Variants in DCLK3 observed in about 807,000 individuals in gnomAD.
DCLK3 encodes serine/threonine-protein kinase DCLK3.
DCLK3 carries 30 observed loss-of-function variants against 46.4 expected under a neutral mutation model. The observed-to-expected ratio is 0.65, with a 90% CI of 0.48 to 0.88. The LOEUF (loss-of-function observed/expected upper bound fraction) is 0.88, where lower values mean the gene tolerates loss of function less well. Ranked by LOEUF, DCLK3 falls within the 40% of genes least tolerant of loss-of-function variation. DCLK3 has a pLI of 0.00. For missense variants in DCLK3, 846 were observed against 907.1 expected, an observed-to-expected ratio of 0.93 and a Z score of 0.87; for synonymous variants, 401 against 339.2, an observed-to-expected ratio of 1.18 and a Z score of -2.00.
intron 1 of DCLK3, among the ~76,000 whole-genome samples, chr3:36,762,342 A>T (rs556597595): frequency 6.6e-6 from 1 of 152,328 alleles, no homozygotes; most frequent in South Asian, 2.1e-4. Context: ...ATTCCTTAGA[A>T]TCAGATCCTG....
At chr3:36,749,626 C>T (rs1701422069) in intron 1 of DCLK3, among the ~76,000 whole-genome samples, 1 of 152,216 alleles carries the variant, frequency 6.6e-6, no homozygotes, top group East Asian at 1.9e-4. Context: ...TCTGAAGACT[C>T]TCACACCTCG....
At chr3:36,730,722 A>G (rs1701189159) in intron 2 of DCLK3, among the ~76,000 whole-genome samples, 1 of 152,080 alleles carries the variant, frequency 6.6e-6, no homozygotes, top group Non-Finnish European at 1.5e-5. Flanking sequence ...GGAAATCTGT[A>G]TCTCCATCAT....
chr3:36,741,299 C>T (rs1304686157), intron 1 of DCLK3, among the ~76,000 whole-genome samples: 7 of 152,182 alleles, frequency 4.6e-5, no homozygotes, highest in African/African-American at 1.4e-4. Context: ...GTGCTTCACA[C>T]ACAGTAGGAT....
At position 36,715,335 on chromosome 3, in the gene DCLK3, AC is replaced by A. The variant is rs1239776387; in HGVS notation, c.2446del (p.Val816TyrfsTer25). 1 of 1,614,120 alleles carries A rather than the reference AC, an allele frequency of 6.2e-7. No homozygotes were observed. The highest frequency in any genetic ancestry group is 1.7e-5 in the Admixed American group (1 of 60,014). ...AGATTCCCAAGGTGGTGACTATGATACCTGCTCCACAACCCTCTTGTGCTGG... is the reference window on the plus strand; with the variant it reads ...AGATTCCCAAGGTGGTGACTATGATACTGCTCCACAACCCTCTTGTGCTGG... The part of the protein sequence containing the change: ...RSQHKRVVEQ[V>X]S On this transcript the variant is annotated frameshift_variant, in exon 5 of 5. Transcript: ENST00000636136. LOFTEE classifies it high-confidence loss of function.
At chr3:36,754,624 G>A (rs1701470498) in intron 1 of DCLK3, among the ~76,000 whole-genome samples, 1 of 152,204 alleles carries the variant, frequency 6.6e-6, no homozygotes, top group African/African-American at 2.4e-5. Context: ...TTTTAAATGT[G>A]TGAGAGATTA....
chr3:36,727,176 C>T (rs1228565227), intron 2 of DCLK3, among the ~76,000 whole-genome samples: 1 of 152,132 alleles, frequency 6.6e-6, no homozygotes, highest in Non-Finnish European at 1.5e-5. Context: ...GTAATCCCAG[C>T]TACTCAGGAG....
chr3:36,749,854 T>C (rs993653292), intron 1 of DCLK3, among the ~76,000 whole-genome samples: 1 of 152,210 alleles, frequency 6.6e-6, no homozygotes, highest in Non-Finnish European at 1.5e-5. Context: ...TTAAAATATA[T>C]AGCCTTCATT....
At chr3:36,756,406 GC>G (rs1701484717) in intron 1 of DCLK3, among the ~76,000 whole-genome samples, 1 of 152,218 alleles carries the variant, frequency 6.6e-6, no homozygotes, top group Non-Finnish European at 1.5e-5. Context: ...CAACAGTGTT[GC>G]AGTGGCTTGC....
chr3:36,735,302 A>G (rs528183510), intron 2 of DCLK3, among the ~76,000 whole-genome samples: 21 of 152,374 alleles, frequency 1.4e-4, no homozygotes, highest in Admixed American at 3.9e-4. Flanking sequence ...AGAATCAAAA[A>G]GCGAGTAGAG....
At position 36,721,679 on chromosome 3, in the gene DCLK3, C is replaced by G; in HGVS notation, c.1960-20G>C. 6.2e-7 allele frequency: 1 copy of G among 1,613,864 alleles called. No homozygotes were observed. The highest frequency in any genetic ancestry group is 8.5e-7 in the Non-Finnish European group (1 of 1,179,920). ...CTGAACCTGTAAGAAACCAAAATCC[C>G]CAAACCACCAAAATTGTGATTAGAA... On this transcript the variant is annotated intron_variant, in intron 2 of 4. Coordinates refer to ENST00000636136, the MANE Select transcript of DCLK3 (RefSeq NM_001394672.2).
rs201728869 is a variant in DCLK3 at position 36,715,404 on chromosome 3, C to T, written c.2378G>A (p.Arg793Gln). 1.1e-4 allele frequency: 183 copies of T among 1,613,982 alleles called. 4 individuals carry two copies. In the South Asian group the frequency reaches 1.9e-3, roughly 17 times the overall value. ...ETAGKTNTVK[R>Q]QKQVSPSSEG... ...GCTGCTGGGGGACACCTGCTTCTGT[C>T]GTTTCACTGTATTGGTCTTGCCAGC... Residue 793 changes from arginine to glutamine, a missense_variant, in exon 5 of 5, where the codon CGA (arginine) becomes CAA (glutamine). Physicochemically the swap from Arg to Gln is conservative, Grantham distance 43. Transcript: ENST00000636136.
rs1389909658 is a variant in DCLK3 at position 36,737,311 on chromosome 3, G to A, written c.1856C>T (p.Pro619Leu). 1.2e-5 allele frequency: 20 copies of A among 1,613,980 alleles called. No individual in the cohort carries two copies. The highest frequency in any genetic ancestry group is 1.6e-4 in the Middle Eastern group (1 of 6,084). ...GATCATGAGGGCAGCATCGGGCTCC[G>A]GGAACTTCACACTTTCTATGATGGC... ...FDAIIESVKFPEPDAALMIMD... is the reference protein window; with the variant it reads ...FDAIIESVKFLEPDAALMIMD... Residue 619 changes from proline to leucine, a missense_variant, in exon 2 of 5, where the codon CCG becomes CTG. By Grantham distance (98) the Pro-to-Leu change is moderately conservative. This residue lies in a region of DCLK3 where 247 missense variants were observed against 322.8 expected (regional missense o/e 0.77). Coordinates refer to ENST00000636136, the MANE Select transcript of DCLK3 (RefSeq NM_001394672.2). This position sits in a 1 kb window ranked among gnomAD's most constrained non-coding sequence, Gnocchi z 4.4.
At chr3:36,731,349 C>T (rs948456974) in intron 2 of DCLK3, among the ~76,000 whole-genome samples, 3 of 152,052 alleles carry the variant, frequency 2.0e-5, no homozygotes, top group Non-Finnish European at 2.9e-5. Flanking sequence ...TCCATCATCA[C>T]ATAAAGATGC....
chr3:36,737,817 C>G lies in DCLK3; in HGVS notation c.1350G>C (p.Gln450His). ...TCCTGCGGAGCTTCTCAAAGCCCGC[C>G]TGGTGCTCTCTCAGGAGCCAGCCAC... ...KHGGWLLREHQAGFEKLRRTR... is the reference protein window; with the variant it reads ...KHGGWLLREHHAGFEKLRRTR... Residue 450 changes from glutamine (Q) to histidine (H), a missense_variant, in exon 2 of 5, where the codon CAG (glutamine) becomes CAC (histidine). Gln to His is a conservative substitution (Grantham distance 24). This residue lies in a region of DCLK3 where 553 missense variants were observed against 543.0 expected (regional missense o/e 1.02). Transcript: ENST00000636136. The surrounding 1 kb of genome is among the most constrained non-coding windows in gnomAD (Gnocchi z 4.4). The G allele has an allele frequency of 6.2e-7, 1 of 1,614,096 alleles. No individual in the cohort carries two copies. The highest frequency in any genetic ancestry group is 8.5e-7 in the Non-Finnish European group (1 of 1,180,036).
intron 2 of DCLK3, among the ~76,000 whole-genome samples, chr3:36,732,463 T>G (rs1701210141): frequency 6.6e-6 from 1 of 152,190 alleles, no homozygotes. Context: ...AATGTAAACC[T>G]ACAGTCATAA....
chr3:36,738,833 G>C lies in DCLK3; in HGVS notation c.334C>G (p.Leu112Val). Residue 112 changes from leucine (L) to valine (V), a missense_variant, in exon 2 of 5, where the codon CTG becomes GTG. By Grantham distance (32) the Leu-to-Val change is conservative. Coordinates refer to ENST00000636136, the MANE Select transcript of DCLK3 (RefSeq NM_001394672.2). Reference protein sequence around the residue: ...LGGQRPRKITLLLNRRSVQTF... With the variant: ...LGGQRPRKITVLLNRRSVQTF... ...TGCACTGATCGCCTGTTGAGGAGCA[G>C]AGTGATCTTTCGGGGGCGCTGCCCA... 1.2e-6 allele frequency: 1 copy of C among 818,322 alleles called. No homozygotes were observed. The highest frequency in any genetic ancestry group is 3.6e-5 in the Admixed American group (1 of 27,632). The allele number at this position is 818,322 out of a possible 1,614,324, so 50.7% of individuals were successfully genotyped here.
intron 3 of DCLK3, 69 bp downstream of exon 3, chr3:36,721,458 T>G: frequency 6.4e-7 from 1 of 1,568,136 alleles, no homozygotes; most frequent in Non-Finnish European, 8.7e-7. Context: ...TGAAAACTAG[T>G]AAATATGACA....
chr3:36,756,884 C>T (rs1701490064), intron 1 of DCLK3, among the ~76,000 whole-genome samples: 1 of 151,506 alleles, frequency 6.6e-6, no homozygotes, highest in Admixed American at 6.6e-5. Context: ...ACCTTTATCA[C>T]AAGTTCCAGA....
At chr3:36,735,879 G>A (rs1208187206) in intron 2 of DCLK3, among the ~76,000 whole-genome samples, 1 of 152,236 alleles carries the variant, frequency 6.6e-6, no homozygotes, top group Non-Finnish European at 1.5e-5. Context: ...TGACAGAACT[G>A]TTCTAGGTTT....
Sources: allele counts gnomAD v4.1 joint callset (sites outside exome capture counted in the v4.1 genomes callset), GRCh38; gene constraint gnomAD v4.1.1; regional missense constraint gnomAD v4.1.1; non-coding constraint Gnocchi (gnomAD v3.1); transcripts MANE v1.5; gene names NCBI Gene and HGNC (gene_info 2026-07-23, HGNC 2026-07-21).